Variants in DNAJC15 observed in about 807,000 individuals in gnomAD.
DNAJC15 encodes the protein dnaJ homolog subfamily C member 15.
DNAJC15 carries 27 observed loss-of-function variants against 22.4 expected under a neutral mutation model. That is an observed-to-expected ratio of 1.20 (90% CI 0.89 to 1.66). DNAJC15 has a LOEUF of 1.66. DNAJC15 is among the 40% of genes most tolerant of loss of function. The probability of loss-of-function intolerance (pLI) is 0.00; values close to 1 mark genes in which losing one functional copy is unlikely to be tolerated. For missense variants in DNAJC15, 208 were observed against 187.1 expected (o/e 1.11, Z -0.65); for synonymous variants, 79 against 63.2 (o/e 1.25, Z -1.19).
chr13:43,067,168 G>A (rs2040588095), intron 2 of DNAJC15, among the ~76,000 whole-genome samples: 1 of 152,128 alleles, frequency 6.6e-6, no homozygotes, highest in African/African-American at 2.4e-5. Context: ...AGATCTGATA[G>A]AAAAATGAGA....
intron 4 of DNAJC15, among the ~76,000 whole-genome samples, chr13:43,082,898 A>G (rs1038249773): frequency 4.0e-5 from 6 of 151,526 alleles, no homozygotes; most frequent in Admixed American, 2.0e-4. Context: ...GTGTGTATAT[A>G]TATGTGTGTG....
At chr13:43,073,961 C>CT (rs66526237) in intron 3 of DNAJC15, among the ~76,000 whole-genome samples, 261 of 146,056 alleles carry the variant, frequency 1.8e-3, no homozygotes, top group African/African-American at 4.4e-3. Flanking sequence ...CATCCTTCTT[C>CT]TTTTTTTTTT....
chr13:43,081,189 T>C (rs1483274235), intron 4 of DNAJC15, among the ~76,000 whole-genome samples: 3 of 152,224 alleles, frequency 2.0e-5, no homozygotes, highest in Non-Finnish European at 4.4e-5. Context: ...AAGCCTGAAT[T>C]ATTTTACAAA....
At chr13:43,042,134 A>G (rs571663369) in intron 1 of DNAJC15, among the ~76,000 whole-genome samples, 1 of 152,342 alleles carries the variant, frequency 6.6e-6, no homozygotes, top group East Asian at 1.9e-4. Flanking sequence ...ACTGAACCCT[A>G]CAGATACAGT....
intron 5 of DNAJC15, among the ~76,000 whole-genome samples, chr13:43,094,702 T>A (rs2040731194): frequency 6.6e-6 from 1 of 152,196 alleles, no homozygotes; most frequent in Non-Finnish European, 1.5e-5. Context: ...TGTATCAGGC[T>A]CTATTTTCAA....
At position 43,114,112 on chromosome 13, in the gene DNAJC15, GTTTGT is replaced by G. The variant is rs2040836796; in HGVS notation, c.*6869_*6873del. ...AATTAAATAAATAAAATGCTGTTGT[GTTTGT>G]TTTGCTTTAAAATTGTAAAGGATAA... On this transcript the variant is annotated 3_prime_UTR_variant, in exon 6 of 6. Coordinates refer to ENST00000379221, the MANE Select transcript of DNAJC15 (RefSeq NM_013238.3). 2 of 152,136 alleles carry G rather than the reference GTTTGT, an allele frequency of 1.3e-5. No individual in the cohort carries two copies. Among genetic ancestry groups the G allele is most frequent in the Admixed American group, 1.3e-4 (2 of 15,280 alleles). 9.4% of individuals were successfully genotyped at this position (152,136 alleles called of 1,614,324 possible).
At chr13:43,080,483 A>G (rs1423904237) in intron 4 of DNAJC15, among the ~76,000 whole-genome samples, 1 of 152,174 alleles carries the variant, frequency 6.6e-6, no homozygotes, top group African/African-American at 2.4e-5. Flanking sequence ...GGTTGATTCC[A>G]TATGTTTGCT....
rs1423805278 is a variant in DNAJC15, at chr13:43,068,940, A to T, written c.171A>T (p.Ala57=). ...VAALAFAGRY[A]FRIWKPLEQV... ...CCCTTTACTATTTAGGTCGCTACGC[A>T]TTTCGGATCTGGAAACCTCTAGAAC... The change falls in exon 3 of 6, where the codon GCA becomes GCT. Residue 57 remains alanine (A), a synonymous_variant. Transcript: ENST00000379221. The T allele has an allele frequency of 1.9e-6, 3 of 1,612,810 alleles. No homozygotes were observed. The East Asian group carries it at 6.7e-5, about 36-fold the overall frequency.
At chr13:43,094,037 T>C (rs2040727886) in intron 5 of DNAJC15, among the ~76,000 whole-genome samples, 1 of 152,232 alleles carries the variant, frequency 6.6e-6, no homozygotes, top group South Asian at 2.1e-4. Context: ...ATTCATCTTT[T>C]CAAATAATTG....
chr13:43,042,917 A>C (rs35022371), intron 1 of DNAJC15, among the ~76,000 whole-genome samples: 2 of 152,134 alleles, frequency 1.3e-5, no homozygotes, highest in African/African-American at 4.8e-5. Flanking sequence ...TTGACACATA[A>C]AATTAACTGT....
At chr13:43,083,190 CGGA>C (rs1464047397) in intron 4 of DNAJC15, among the ~76,000 whole-genome samples, 1 of 151,118 alleles carries the variant, frequency 6.6e-6, no homozygotes, top group Non-Finnish European at 1.5e-5. Context: ...TTTTTTGAGA[CGGA>C]GTCTTGCTCT....
chr13:43,104,358 G>A (rs1294879202), intron 5 of DNAJC15, among the ~76,000 whole-genome samples: 1 of 152,124 alleles, frequency 6.6e-6, no homozygotes, highest in Admixed American at 6.6e-5. Flanking sequence ...CAGAATGTTG[G>A]GCTCATCATA....
intron 1 of DNAJC15, among the ~76,000 whole-genome samples, chr13:43,057,769 G>C (rs553163647): frequency 6.6e-6 from 1 of 152,300 alleles, no homozygotes; most frequent in Admixed American, 6.5e-5. Context: ...CTGCTGTTCA[G>C]ATCCTTTTGT....
At chr13:43,074,719 A>C (rs2040624771) in intron 3 of DNAJC15, among the ~76,000 whole-genome samples, 1 of 152,202 alleles carries the variant, frequency 6.6e-6, no homozygotes, top group African/African-American at 2.4e-5. Context: ...CTGTGATAAC[A>C]GTTTTGTTCT....
chr13:43,069,079 A>C (rs192280089), intron 3 of DNAJC15, 76 bp downstream of exon 3: 482 of 1,382,000 alleles, frequency 3.5e-4, no homozygotes, highest in Non-Finnish European at 4.4e-4. Flanking sequence ...TAACTTAGAA[A>C]ATGTCTTGGA....
intron 5 of DNAJC15, among the ~76,000 whole-genome samples, chr13:43,097,685 C>T (rs1566217028): frequency 6.6e-6 from 1 of 152,090 alleles, no homozygotes; most frequent in African/African-American, 2.4e-5. Context: ...TTCCTGTAAT[C>T]CCAGCACTTT....
intron 1 of DNAJC15, among the ~76,000 whole-genome samples, chr13:43,058,750 G>C (rs2040543152): frequency 6.6e-6 from 1 of 152,150 alleles, no homozygotes; most frequent in South Asian, 2.1e-4. Flanking sequence ...CCTCCCGAAG[G>C]ACCCCTGTGA....
chr13:43,096,162 A>T (rs1362314221), intron 5 of DNAJC15, among the ~76,000 whole-genome samples: 1 of 152,194 alleles, frequency 6.6e-6, no homozygotes, highest in Non-Finnish European at 1.5e-5. Context: ...CTCAAAAGTC[A>T]ATTGTATAAC....
intron 4 of DNAJC15, among the ~76,000 whole-genome samples, chr13:43,080,549 A>G (rs2040657155): frequency 6.6e-6 from 1 of 152,198 alleles, no homozygotes; most frequent in South Asian, 2.1e-4. Context: ...CTTACTAACT[A>G]CTCAATAAAT....
Sources: gnomAD v4.1 joint callset for allele counts (sites outside exome capture counted in the v4.1 genomes callset) on GRCh38, gnomAD v4.1.1 for gene constraint, MANE v1.5 for transcripts, NCBI Gene and HGNC (gene_info 2026-07-23, HGNC 2026-07-21) for gene names.